Variants in RADIL observed in about 807,000 individuals in gnomAD.
RADIL encodes the protein ras-associating and dilute domain-containing protein.
RADIL carries 99 observed loss-of-function variants against 97.6 expected under a neutral mutation model. That is an observed-to-expected ratio of 1.01 (90% confidence interval 0.86 to 1.20). The LOEUF (loss-of-function observed/expected upper bound fraction) is 1.20. RADIL is among the 50% of genes most tolerant of loss of function. The pLI is 0.00. For missense variants in RADIL, 1,765 were observed against 1,498.9 expected, an observed-to-expected ratio of 1.18 and a Z score of -2.93; for synonymous variants, 803 against 691.8, an observed-to-expected ratio of 1.16 and a Z score of -2.52.
chr7:4,812,278 TA>T (rs1782567985), intron 9 of RADIL, among the ~76,000 whole-genome samples: 1 of 152,226 alleles, frequency 6.6e-6, no homozygotes, highest in Non-Finnish European at 1.5e-5. Flanking sequence ...CCATTTCATC[TA>T]AATTGTCAAA....
chr7:4,831,883 A>G (rs1348487538), intron 5 of RADIL, among the ~76,000 whole-genome samples: 1 of 152,062 alleles, frequency 6.6e-6, no homozygotes, highest in African/African-American at 2.4e-5. Flanking sequence ...CAAACAAAAC[A>G]AAACAAAACA....
intron 5 of RADIL, among the ~76,000 whole-genome samples, chr7:4,827,615 C>T (rs936758261): frequency 3.3e-5 from 5 of 152,262 alleles, no homozygotes; most frequent in South Asian, 2.1e-4. Context: ...GAGCCGAGAT[C>T]GTGCCACTGT....
At position 4,814,538 on chromosome 7, in the gene RADIL, G is replaced by C. The variant is rs114094274; in HGVS notation, c.2139+740C>G. 2.0e-3 allele frequency among the ~76,000 whole-genome samples: 302 copies of C among 152,176 alleles called. 1 individual carries two copies. Among genetic ancestry groups the C allele is most frequent in the African/African-American group, 6.8e-3 (283 of 41,516 alleles). ...TACCTGTGATGACTGTGTTGGGAAG[G>C]GGGGTGGTGAGTGGCTGACTGTGTT... On this transcript the variant is annotated intron_variant, in intron 9 of 14. Coordinates refer to ENST00000399583, the MANE Select transcript of RADIL (RefSeq NM_018059.5). The surrounding 1 kb of genome is among the most constrained non-coding windows in gnomAD (Gnocchi z 4.5).
chr7:4,820,855 T>C (rs2115195451), intron 6 of RADIL, among the ~76,000 whole-genome samples: 1 of 152,290 alleles, frequency 6.6e-6, no homozygotes, highest in Non-Finnish European at 1.5e-5. Context: ...ACAGGGTCAC[T>C]GTGCAGATGC....
Position 4,873,387 on chromosome 7 carries a change from C to T in RADIL, c.535+4218G>A, listed in dbSNP as rs939162131. Among the ~76,000 whole-genome samples, 1 of 152,188 alleles carries T rather than the reference C, an allele frequency of 6.6e-6. No homozygotes were observed. The highest frequency in any genetic ancestry group is 2.4e-5 in the African/African-American group (1 of 41,452). On this transcript the variant is annotated intron_variant, in intron 2 of 14. Coordinates refer to ENST00000399583, the MANE Select transcript of RADIL (RefSeq NM_018059.5). This position sits in a 1 kb window ranked among gnomAD's most constrained non-coding sequence, Gnocchi z 4.3. Reference sequence around the variant, plus strand: ...ACACAGACACACACACATGGTCACACGTGCACATCACATCACCACATGCAC... The same window carrying T: ...ACACAGACACACACACATGGTCACATGTGCACATCACATCACCACATGCAC...
Position 4,877,871 on chromosome 7 carries a change from C to A in RADIL, c.269G>T (p.Arg90Leu). Reference sequence around the variant, plus strand: ...CTCCAGCGCCTCCTTCACCAGCTCACGGGCGCTGGAGGTGCCGGTGGCCAG... The same window carrying A: ...CTCCAGCGCCTCCTTCACCAGCTCAAGGGCGCTGGAGGTGCCGGTGGCCAG... ...SVLATGTSSARELVKEALERY... is the reference protein window; with the variant it reads ...SVLATGTSSALELVKEALERY... Residue 90 changes from arginine (R) to leucine (L), a missense_variant, in exon 2 of 15, where the codon CGT (arginine) becomes CTT (leucine). Transcript: ENST00000399583. 1 of 1,605,624 alleles carries A rather than the reference C, an allele frequency of 6.2e-7. No individual in the cohort carries two copies. Among genetic ancestry groups the A allele is most frequent in the East Asian group, 2.2e-5 (1 of 44,864 alleles).
chr7:4,815,492 C>A lies in RADIL; in HGVS notation c.1967-42G>T. 6.9e-7 allele frequency: 1 copy of A among 1,455,500 alleles called. No homozygotes were observed. The highest frequency in any genetic ancestry group is 9.1e-7 in the Non-Finnish European group (1 of 1,098,966). 90.2% of individuals were successfully genotyped at this position (1,455,500 alleles called of 1,614,324 possible). A position where few individuals can be genotyped will look rare whatever the true frequency, so the allele number is the denominator to read the frequency against. On this transcript the variant is annotated intron_variant, in intron 8 of 14. Transcript: ENST00000399583. This position sits in a 1 kb window ranked among gnomAD's most constrained non-coding sequence, Gnocchi z 8.0. ...GGAGGGTGATGCCTGGGCTGCCCTC[C>A]TGGGGGGACACAGACATGGGCCTGT...
chr7:4,815,196 C>G lies in RADIL; in HGVS notation c.2139+82G>C. On this transcript the variant is annotated intron_variant, in intron 9 of 14. Coordinates refer to ENST00000399583, the MANE Select transcript of RADIL (RefSeq NM_018059.5). The surrounding 1 kb of genome is among the most constrained non-coding windows in gnomAD (Gnocchi z 8.0). ...AGCCAAGAAGCCCCGTCCCGGCCCCCAGGCTTGGTTTGTGAGCCAGGGACC... is the reference window on the plus strand; with the variant it reads ...AGCCAAGAAGCCCCGTCCCGGCCCCGAGGCTTGGTTTGTGAGCCAGGGACC... The G allele has an allele frequency of 2.8e-6, 4 of 1,424,996 alleles. No homozygotes were observed. Among genetic ancestry groups the G allele is most frequent in the Non-Finnish European group, 3.7e-6 (4 of 1,081,576 alleles). 88.3% of individuals were successfully genotyped at this position (1,424,996 alleles called of 1,614,324 possible). A position where few individuals can be genotyped will look rare whatever the true frequency, so the allele number is the denominator to read the frequency against.
At chr7:4,850,351 AG>A (rs1312961744) in intron 2 of RADIL, among the ~76,000 whole-genome samples, 1 of 152,198 alleles carries the variant, frequency 6.6e-6, no homozygotes, top group Middle Eastern at 3.2e-3. Flanking sequence ...CAGAATTCTA[AG>A]ATGGCTCCAT....
chr7:4,868,820 AAAAAC>A (rs1326337088), intron 2 of RADIL, among the ~76,000 whole-genome samples: 1 of 152,148 alleles, frequency 6.6e-6, no homozygotes. Flanking sequence ...ATTGCACTTT[AAAAAC>A]AAAACAAAAC....
chr7:4,802,062 G>A (rs935864842), intron 11 of RADIL, 67 bp from the exon 12 acceptor site: 8 of 1,335,776 alleles, frequency 6.0e-6, no homozygotes, highest in African/African-American at 3.0e-5. Flanking sequence ...TCGGGCAACT[G>A]GGCAGCCTGC....
intron 2 of RADIL, among the ~76,000 whole-genome samples, chr7:4,850,475 G>A (rs1402217332): frequency 1.3e-5 from 2 of 152,132 alleles, no homozygotes; most frequent in Non-Finnish European, 2.9e-5. Context: ...TTATTTGCTG[G>A]GCCGAACCTA....
Position 4,818,546 on chromosome 7 carries a change from G to A in RADIL, c.1616-1195C>T, listed in dbSNP as rs148570922. On this transcript the variant is annotated intron_variant, in intron 6 of 14. Coordinates refer to ENST00000399583, the MANE Select transcript of RADIL (RefSeq NM_018059.5). This position sits in a 1 kb window ranked among gnomAD's most constrained non-coding sequence, Gnocchi z 7.1. Reference sequence around the variant, plus strand: ...GGCAGCTGGAGGGACCCCGGGGTCCGGGGCAGTAAGGGGCTCTCGGGCTCT... The same window carrying A: ...GGCAGCTGGAGGGACCCCGGGGTCCAGGGCAGTAAGGGGCTCTCGGGCTCT... Among the ~76,000 whole-genome samples, 109 of 152,310 alleles carry A rather than the reference G, an allele frequency of 7.2e-4. 1 individual carries two copies. The highest frequency in any genetic ancestry group is 2.1e-3 in the African/African-American group (86 of 41,584).
chr7:4,813,074 T>TTCTC lies in RADIL; in HGVS notation c.2139+2200_2139+2203dup, dbSNP rs201029653. On this transcript the variant is annotated intron_variant, in intron 9 of 14. Transcript: ENST00000399583. This position sits in a 1 kb window ranked among gnomAD's most constrained non-coding sequence, Gnocchi z 5.0. ...TTCATCCTTACCCCAAGGTTCTTCT[T>TTCTC]TCTCTCTCTCTCTCTCTCTCTCTCT... Among the ~76,000 whole-genome samples the TTCTC allele has an allele frequency of 3.0e-3, 438 of 147,786 alleles. 2 individuals are homozygous for TTCTC. The highest frequency in any genetic ancestry group is 8.7e-3 in the East Asian group (44 of 5,052).
chr7:4,800,569 TG>T (rs1379086281), intron 12 of RADIL, among the ~76,000 whole-genome samples: 3 of 152,100 alleles, frequency 2.0e-5, no homozygotes, highest in African/African-American at 7.2e-5. Flanking sequence ...CTCGCCCCTC[TG>T]GGGGCGGCTG....
rs921061884 is a variant in RADIL at position 4,818,988 on chromosome 7, C to T, written c.1616-1637G>A. ...GGCTGGTCTGGAACTCCAATCTACCCGCCTTGGCCCCCCAAAGTGCTGGGA... is the reference window on the plus strand; with the variant it reads ...GGCTGGTCTGGAACTCCAATCTACCTGCCTTGGCCCCCCAAAGTGCTGGGA... On this transcript the variant is annotated intron_variant, in intron 6 of 14. Coordinates refer to ENST00000399583, the MANE Select transcript of RADIL (RefSeq NM_018059.5). The surrounding 1 kb of genome is among the most constrained non-coding windows in gnomAD (Gnocchi z 7.1). 2.0e-5 allele frequency among the ~76,000 whole-genome samples: 3 copies of T among 151,796 alleles called. No homozygotes were observed. The highest frequency in any genetic ancestry group is 2.1e-4 in the South Asian group (1 of 4,788).
chr7:4,846,033 C>T (rs1048403097), intron 2 of RADIL, among the ~76,000 whole-genome samples: 11 of 152,178 alleles, frequency 7.2e-5, no homozygotes, highest in Non-Finnish European at 1.2e-4. Flanking sequence ...GCGCTGGGCA[C>T]GCCACCAACA....
chr7:4,882,571 C>G (rs933467498), intron 1 of RADIL, among the ~76,000 whole-genome samples: 1 of 152,198 alleles, frequency 6.6e-6, no homozygotes, highest in Non-Finnish European at 1.5e-5. Context: ...GGAGCGACCT[C>G]TCTGCTCCAA....
At chr7:4,863,011 C>T (rs373873409) in intron 2 of RADIL, among the ~76,000 whole-genome samples, 19 of 152,200 alleles carry the variant, frequency 1.2e-4, no homozygotes, top group East Asian at 5.8e-4. Flanking sequence ...CCAGAAGCTT[C>T]TTGGGCACTT....
Sources: gnomAD v4.1 joint callset for allele counts (sites outside exome capture counted in the v4.1 genomes callset) on GRCh38, gnomAD v4.1.1 for gene constraint, Gnocchi (gnomAD v3.1) non-coding constraint, MANE v1.5 for transcripts, NCBI Gene and HGNC (gene_info 2026-07-23, HGNC 2026-07-21) for gene names.